STOX2: variants seen among roughly 807,000 people sequenced by gnomAD.
STOX2 encodes storkhead-box protein 2.
A neutral mutation model predicts 60.9 loss-of-function variants in STOX2; 28 were observed. The ratio of observed to expected loss-of-function variants is 0.46; its 90% CI spans 0.34 to 0.63. The LOEUF (loss-of-function observed/expected upper bound fraction) is 0.63, where lower values mean the gene tolerates loss of function less well. Ranked by LOEUF, STOX2 falls within the 30% of genes least tolerant of loss-of-function variation. The pLI, the probability that STOX2 is intolerant of heterozygous loss-of-function variation, is 0.01. For synonymous variants in STOX2, 472 were observed against 463.9 expected (o/e 1.02, Z -0.22); for missense variants, 1,024 against 1,187.7 (o/e 0.86, Z 2.03).
chr4:183,910,818 G>GT (rs1272247520), intron 1 of STOX2, among the ~76,000 whole-genome samples: 4 of 152,194 alleles, frequency 2.6e-5, no homozygotes, highest in Non-Finnish European at 5.9e-5. Flanking sequence ...TTTGAAAGCA[G>GT]TTTTGTCTGC....
intron 2 of STOX2, among the ~76,000 whole-genome samples, chr4:184,002,352 T>A (rs775190525): frequency 8.5e-5 from 13 of 152,278 alleles, no homozygotes; most frequent in Non-Finnish European, 1.8e-4. Context: ...AGGGAACGTT[T>A]GCTATATTTC....
chr4:183,890,894 G>C (rs1353819259), intron 1 of STOX2, among the ~76,000 whole-genome samples: 1 of 152,142 alleles, frequency 6.6e-6, no homozygotes, highest in African/African-American at 2.4e-5. Context: ...GATCGCTGAA[G>C]GCCAGGAGTT....
intron 1 of STOX2, among the ~76,000 whole-genome samples, chr4:183,835,430 T>C (rs1004787094): frequency 2.0e-5 from 3 of 152,090 alleles, no homozygotes; most frequent in Non-Finnish European, 4.4e-5. Context: ...TTCACCATGT[T>C]AGCCAGGATG....
Position 183,891,361 on chromosome 4 carries a change from TATATATATATATATA to T in STOX2, c.364+93307_364+93321del, listed in dbSNP as rs1560866690. ...TGGAATATATATATGATGGAATTTA[TATATATATATATATA>T]TATATATATATATATATATATATAT... On this transcript the variant is annotated intron_variant, in intron 1 of 2. Transcript: ENST00000513034. 3.8e-3 allele frequency among the ~76,000 whole-genome samples: 5 copies of T among 1,324 alleles called. No individual in the cohort carries two copies. The East Asian group carries it at 0.5, about 132-fold the overall frequency. The allele number at this position is 1,324 out of a possible 152,430, so 0.9% of individuals were successfully genotyped here.
Position 184,001,538 on chromosome 4 carries a change from C to CA in STOX2, c.319+62dup. 2 of 1,532,476 alleles carry CA rather than the reference C, an allele frequency of 1.3e-6. No homozygotes were observed. Among genetic ancestry groups the CA allele is most frequent in the South Asian group, 2.3e-5 (2 of 86,394 alleles). The allele number at this position is 1,532,476 out of a possible 1,614,324, so 94.9% of individuals were successfully genotyped here. On this transcript the variant is annotated intron_variant, in intron 2 of 3. Transcript: ENST00000308497. This position sits in a 1 kb window ranked among gnomAD's most constrained non-coding sequence, Gnocchi z 4.2. Reference sequence around the variant, plus strand: ...GGTGTGCTGTGGTCGCTCTAGGACTCACGTGGACTGTTCTGCCCATGTTTA... The same window carrying CA: ...GGTGTGCTGTGGTCGCTCTAGGACTCAACGTGGACTGTTCTGCCCATGTTTA...
chr4:183,810,277 TCTGGA>T (rs1739005339), intron 1 of STOX2, among the ~76,000 whole-genome samples: 1 of 152,172 alleles, frequency 6.6e-6, no homozygotes, highest in Admixed American at 6.5e-5. Context: ...TCATTGTGTA[TCTGGA>T]CCAGGGACTG....
Position 183,801,930 on chromosome 4 carries a change from T to C in STOX2, c.364+3875T>C, listed in dbSNP as rs186967230. 3.9e-4 allele frequency among the ~76,000 whole-genome samples: 59 copies of C among 152,340 alleles called. 1 individual carries two copies. The highest frequency in any genetic ancestry group is 2.5e-3 in the Admixed American group (39 of 15,304). The stretch of plus-strand genomic sequence containing the variant: ...GAAATAGGAGCACTAGCTAGGCCTA[T>C]TGAAACAGAGGGAGAAATGCCAAGT... On this transcript the variant is annotated intron_variant, in intron 1 of 2. Coordinates refer to the STOX2 transcript ENST00000513034.
At chr4:183,986,604 G>A (rs371139877) in intron 1 of STOX2, among the ~76,000 whole-genome samples, 18 of 152,396 alleles carry the variant, frequency 1.2e-4, no homozygotes, top group African/African-American at 3.8e-4. Flanking sequence ...CAGACTCTAG[G>A]CAGCTAGAGA....
At chr4:183,883,024 A>G (rs73870941) in intron 1 of STOX2, among the ~76,000 whole-genome samples, 205 of 151,692 alleles carry the variant, frequency 1.4e-3, no homozygotes, top group African/African-American at 4.4e-3. Flanking sequence ...TTTTCTTTTT[A>G]TCACGTACAA....
intron 1 of STOX2, among the ~76,000 whole-genome samples, chr4:183,896,272 T>C (rs971721894): frequency 1.3e-5 from 2 of 152,112 alleles, no homozygotes; most frequent in Admixed American, 1.3e-4. Flanking sequence ...CTGGTGGCAG[T>C]GAGTTACAGA....
chr4:183,918,361 T>A (rs1383710770), intron 1 of STOX2, among the ~76,000 whole-genome samples: 2 of 152,202 alleles, frequency 1.3e-5, no homozygotes, highest in Non-Finnish European at 2.9e-5. Flanking sequence ...TCCCGTGGAA[T>A]ATAACTCTAG....
chr4:183,876,267 A>G (rs946305266), intron 1 of STOX2, among the ~76,000 whole-genome samples: 2 of 152,182 alleles, frequency 1.3e-5, no homozygotes, highest in African/African-American at 4.8e-5. Context: ...TGACTTGGCC[A>G]GGTCCCAAGC....
At chr4:184,016,938 A>T in intron 3 of STOX2, 151 bp from the exon 4 acceptor site, 2 of 594,648 alleles carry the variant, frequency 3.4e-6, no homozygotes, top group South Asian at 2.7e-5. Context: ...GGAGAGGCAG[A>T]TGTGAATAAT....
chr4:184,008,587 A>C (rs886459386), intron 2 of STOX2, among the ~76,000 whole-genome samples: 60 of 152,354 alleles, frequency 3.9e-4, no homozygotes, highest in African/African-American at 1.4e-3. Flanking sequence ...TGACTCCAAA[A>C]TTAGAGGATA....
intron 1 of STOX2, among the ~76,000 whole-genome samples, chr4:183,912,646 G>A (rs143864227): frequency 1.1e-3 from 172 of 152,262 alleles, no homozygotes; most frequent in African/African-American, 3.7e-3. Context: ...ACAGCAACAC[G>A]GTCACATTGT....
intron 1 of STOX2, among the ~76,000 whole-genome samples, chr4:183,911,230 G>C (rs954956245): frequency 1.3e-5 from 2 of 152,128 alleles, no homozygotes; most frequent in African/African-American, 2.4e-5. Context: ...CTCATTTTGC[G>C]ATACAATCCT....
chr4:183,876,156 G>GAC (rs1188117188), intron 1 of STOX2, among the ~76,000 whole-genome samples: 1 of 152,352 alleles, frequency 6.6e-6, no homozygotes, highest in East Asian at 1.9e-4. Flanking sequence ...GCGTCTTGCA[G>GAC]ACACCTGAAC....
chr4:183,848,337 G>C (rs561266242), intron 1 of STOX2, among the ~76,000 whole-genome samples: 14 of 152,268 alleles, frequency 9.2e-5, no homozygotes, highest in African/African-American at 3.4e-4. Flanking sequence ...GCTCCAGATA[G>C]CACCTCTGCA....
intron 1 of STOX2, among the ~76,000 whole-genome samples, chr4:183,867,036 CT>C (rs1740584905): frequency 2.0e-5 from 3 of 151,564 alleles, no homozygotes; most frequent in Admixed American, 6.6e-5. Context: ...TTTTTTCCCC[CT>C]ATGAGTGGGC....
Sources: gnomAD v4.1 joint callset for allele counts (sites outside exome capture counted in the v4.1 genomes callset) on GRCh38, gnomAD v4.1.1 for gene constraint, Gnocchi (gnomAD v3.1) non-coding constraint, MANE v1.5 for transcripts, NCBI Gene and HGNC (gene_info 2026-07-23, HGNC 2026-07-21) for gene names.